Variants in BCAS3 observed in about 807,000 individuals in gnomAD.
The protein encoded by BCAS3 is BCAS3 microtubule associated cell migration factor.
Under a neutral mutation model 116.1 loss-of-function variants are expected in BCAS3, and 53 were observed. The observed-to-expected ratio is 0.46, with a 90% CI of 0.37 to 0.57. The LOEUF (loss-of-function observed/expected upper bound fraction) is 0.57, where lower values mean the gene tolerates loss of function less well. BCAS3 is among the 20% of genes least tolerant of loss of function. The probability of loss-of-function intolerance (pLI) is 0.00; values close to 1 mark genes in which losing one functional copy is unlikely to be tolerated. For synonymous variants in BCAS3, 391 were observed against 408.2 expected (o/e 0.96, Z 0.51); for missense variants, 917 against 1,165.4 (o/e 0.79, Z 3.10).
chr17:60,918,929 G>A (rs1230384156), intron 12 of BCAS3, among the ~76,000 whole-genome samples: 2 of 152,028 alleles, frequency 1.3e-5, no homozygotes, highest in African/African-American at 2.4e-5. Context: ...TCCTGACCTC[G>A]TGATCCACCC....
Position 61,151,951 on chromosome 17 carries a change from G to A in BCAS3, c.2425+67387G>A, listed in dbSNP as rs1007766742. On this transcript the variant is annotated intron_variant, in intron 22 of 23. Coordinates refer to ENST00000407086, the MANE Select transcript of BCAS3 (RefSeq NM_017679.5). The surrounding 1 kb of genome is among the most constrained non-coding windows in gnomAD (Gnocchi z 4.8). ...TCCACATAGTGACACAGTACCGGAAGGGCAAGGATTCTCTGTGTGCCCAGG... is the reference window on the plus strand; with the variant it reads ...TCCACATAGTGACACAGTACCGGAAAGGCAAGGATTCTCTGTGTGCCCAGG... Among the ~76,000 whole-genome samples the A allele has an allele frequency of 1.3e-5, 2 of 152,194 alleles. No homozygotes were observed. Among genetic ancestry groups the A allele is most frequent in the Admixed American group, 1.3e-4 (2 of 15,280 alleles).
intron 7 of BCAS3, among the ~76,000 whole-genome samples, chr17:60,833,251 T>C (rs905191934): frequency 6.6e-6 from 1 of 152,214 alleles, no homozygotes; most frequent in Non-Finnish European, 1.5e-5. Context: ...GCTCCAGCCC[T>C]TATCTAATCT....
chr17:61,135,167 G>A (rs909191426), intron 22 of BCAS3, among the ~76,000 whole-genome samples: 1 of 152,098 alleles, frequency 6.6e-6, no homozygotes, highest in Non-Finnish European at 1.5e-5. Flanking sequence ...TATAACAGAT[G>A]ATTATAAATG....
intron 6 of BCAS3, among the ~76,000 whole-genome samples, chr17:60,753,884 T>G (rs899481325): frequency 4.6e-5 from 7 of 152,208 alleles, no homozygotes; most frequent in African/African-American, 1.4e-4. Flanking sequence ...AATATTTGCA[T>G]TCTATGCAGT....
In BCAS3 at chr17:61,388,742, G is replaced by A. The variant is rs774100014; in HGVS notation, c.2594-3235G>A. The A allele has an allele frequency of 3.7e-5, 57 of 1,528,348 alleles. No individual in the cohort carries two copies. The Admixed American group carries it at 4.4e-4, about 12-fold the overall frequency. The allele number at this position is 1,528,348 out of a possible 1,614,324, so 94.7% of individuals were successfully genotyped here. ...ACACGTTTCCATTTGCCGCTTGCTC[G>A]TAGGGCTGGGCGGCCGGGATGACTT... On this transcript the variant is annotated intron_variant, in intron 23 of 23. Transcript: ENST00000407086. The surrounding 1 kb of genome is among the most constrained non-coding windows in gnomAD (Gnocchi z 6.5).
At chr17:60,814,313 G>GCGCGCA (rs59479531) in intron 7 of BCAS3, among the ~76,000 whole-genome samples, 1 of 149,858 alleles carries the variant, frequency 6.7e-6, no homozygotes, top group African/African-American at 2.5e-5. Context: ...GTGTGCGCGC[G>GCGCGCA]TGCCCATTGC....
chr17:60,875,637 T>G (rs1465159696), intron 9 of BCAS3, among the ~76,000 whole-genome samples: 1 of 152,078 alleles, frequency 6.6e-6, no homozygotes, highest in Admixed American at 6.6e-5. Flanking sequence ...AAAATGTGTT[T>G]TTAGTCATCT....
chr17:60,723,213 A>G (rs1464262730), intron 5 of BCAS3, among the ~76,000 whole-genome samples: 1 of 152,056 alleles, frequency 6.6e-6, no homozygotes, highest in African/African-American at 2.4e-5. Flanking sequence ...TTTCTGAACC[A>G]TAATTTCCAT....
chr17:60,714,659 A>G (rs1385648147), intron 5 of BCAS3, among the ~76,000 whole-genome samples: 1 of 152,200 alleles, frequency 6.6e-6, no homozygotes. Flanking sequence ...TCATAAAGAC[A>G]AAACTGTCCC....
At chr17:60,835,696 C>T (rs796068341) in intron 7 of BCAS3, among the ~76,000 whole-genome samples, 6 of 152,104 alleles carry the variant, frequency 3.9e-5, no homozygotes, top group African/African-American at 1.4e-4. Flanking sequence ...TAAAGTTTTA[C>T]CTACATCATA....
chr17:60,829,767 A>G (rs556065404), intron 7 of BCAS3, among the ~76,000 whole-genome samples: 19 of 152,140 alleles, frequency 1.2e-4, no homozygotes, highest in African/African-American at 4.6e-4. Flanking sequence ...TGTTCCATGA[A>G]CCTTTATTTA....
At chr17:61,120,927 T>G (rs1028616106) in intron 22 of BCAS3, among the ~76,000 whole-genome samples, 2 of 152,180 alleles carry the variant, frequency 1.3e-5, no homozygotes, top group African/African-American at 4.8e-5. Flanking sequence ...TACTTTATAG[T>G]TTATTTATTA....
intron 5 of BCAS3, among the ~76,000 whole-genome samples, chr17:60,737,281 T>A (rs1273121509): frequency 3.3e-5 from 5 of 152,190 alleles, no homozygotes; most frequent in Non-Finnish European, 4.4e-5. Context: ...GTGCCTTCTC[T>A]GTTTCTTTTT....
chr17:60,833,920 G>A (rs1436040414), intron 7 of BCAS3, among the ~76,000 whole-genome samples: 1 of 152,024 alleles, frequency 6.6e-6, no homozygotes, highest in Non-Finnish European at 1.5e-5. Flanking sequence ...GTCAAAACGT[G>A]AAACTACTTT....
chr17:60,765,265 G>T (rs891680311), intron 6 of BCAS3, among the ~76,000 whole-genome samples: 1 of 152,142 alleles, frequency 6.6e-6, no homozygotes, highest in Admixed American at 6.6e-5. Context: ...CCCATTAGTT[G>T]ATGCCATTTC....
chr17:61,067,848 C>G (rs1472361382), intron 19 of BCAS3, among the ~76,000 whole-genome samples: 8 of 151,422 alleles, frequency 5.3e-5, no homozygotes, highest in African/African-American at 1.9e-4. Flanking sequence ...TCACTATAAG[C>G]ATGATTTGCT....
intron 5 of BCAS3, among the ~76,000 whole-genome samples, chr17:60,710,972 T>G (rs2037844891): frequency 6.6e-6 from 1 of 151,854 alleles, no homozygotes; most frequent in Non-Finnish European, 1.5e-5. Context: ...CCAGTTAATT[T>G]TTAACACTTT....
intron 23 of BCAS3, among the ~76,000 whole-genome samples, chr17:61,374,103 G>A (rs1488665700): frequency 2.7e-5 from 4 of 146,380 alleles, no homozygotes; most frequent in South Asian, 4.4e-4. Context: ...GGCATGAACC[G>A]CAGTTCCTGG....
rs556909472 is a variant in BCAS3, at chr17:61,175,501, C to T, written c.2425+90937C>T. 9.2e-5 allele frequency among the ~76,000 whole-genome samples: 14 copies of T among 152,252 alleles called. No individual in the cohort carries two copies. The South Asian group carries it at 2.5e-3, about 27-fold the overall frequency. On this transcript the variant is annotated intron_variant, in intron 22 of 23. Transcript: ENST00000407086. ...GATGTAACATTGTCATGGGGAAGGGCATTATACTCCATGTTTTTATCTTAG... is the reference window on the plus strand; with the variant it reads ...GATGTAACATTGTCATGGGGAAGGGTATTATACTCCATGTTTTTATCTTAG...
Sources: gnomAD v4.1 joint callset for allele counts (sites outside exome capture counted in the v4.1 genomes callset) on GRCh38, gnomAD v4.1.1 for gene constraint, Gnocchi (gnomAD v3.1) non-coding constraint, MANE v1.5 for transcripts, NCBI Gene and HGNC (gene_info 2026-07-23, HGNC 2026-07-21) for gene names.